The following RAD51B variants were observed in gnomAD, a reference collection of about 807,000 sequenced individuals.
RAD51B encodes the protein DNA repair protein RAD51 homolog 2.
Under a neutral mutation model 42.2 loss-of-function variants are expected in RAD51B, and 38 were observed. The observed-to-expected ratio is 0.90, with a 90% CI of 0.70 to 1.18. The LOEUF (loss-of-function observed/expected upper bound fraction) is 1.18. Among genes scored for constraint, RAD51B ranks in the 50% most tolerant of loss-of-function variants. RAD51B has a pLI of 0.00. For missense variants in RAD51B, 373 were observed against 400.7 expected, an observed-to-expected ratio of 0.93 and a Z score of 0.59; for synonymous variants, 154 against 145.2, an observed-to-expected ratio of 1.06 and a Z score of -0.43.
At chr14:67,908,369 T>A (rs2043849418) in intron 7 of RAD51B, 1 of 152,044 alleles carries the variant, frequency 6.6e-6, no homozygotes, top group South Asian at 2.1e-4. Context: ...GAAAAATAGA[T>A]GAGATTTAGA....
intron 9 of RAD51B, among the ~76,000 whole-genome samples, chr14:68,447,124 CA>C (rs2140175706): frequency 6.6e-6 from 1 of 152,282 alleles, no homozygotes; most frequent in East Asian, 1.9e-4. Context: ...GAGGCTGAGG[CA>C]GGAGAATCAC....
intron 7 of RAD51B, among the ~76,000 whole-genome samples, chr14:68,262,315 T>C (rs545511680): frequency 5.3e-5 from 8 of 152,124 alleles, no homozygotes; most frequent in Non-Finnish European, 1.2e-4. Flanking sequence ...GGACCTGAGA[T>C]ATTGGCATGA....
rs143862297 is a variant in RAD51B at position 68,185,277 on chromosome 14, C to T, written c.757-106607C>T. ...TAATAACTACATAATAAAGTATTGC[C>T]AACATGTTAGATTTAGCCTTAAAGA... On this transcript the variant is annotated intron_variant, in intron 7 of 10. Coordinates refer to ENST00000471583, the MANE Select transcript of RAD51B (RefSeq NM_133510.4). 1.8e-4 allele frequency among the ~76,000 whole-genome samples: 27 copies of T among 152,192 alleles called. No individual in the cohort carries two copies. In the East Asian group the frequency reaches 5.0e-3, roughly 28 times the overall value.
At position 68,140,604 on chromosome 14, in the gene RAD51B, G is replaced by A. The variant is rs193186501; in HGVS notation, c.757-151280G>A. 5.9e-5 allele frequency among the ~76,000 whole-genome samples: 9 copies of A among 152,322 alleles called. No individual in the cohort carries two copies. The East Asian group carries it at 1.7e-3, about 29-fold the overall frequency. On this transcript the variant is annotated intron_variant, in intron 7 of 10. Transcript: ENST00000471583. ...TCTAAAAGTGCTGGATAACTGCTGA[G>A]GTTTCTCTGCCACTTGGGATGCAAA...
intron 7 of RAD51B, among the ~76,000 whole-genome samples, chr14:68,022,380 C>G (rs761888073): frequency 6.6e-6 from 1 of 152,058 alleles, no homozygotes. Context: ...TGTGAATATC[C>G]TGGTGATGAA....
chr14:68,135,129 T>C (rs1389748305), intron 7 of RAD51B, among the ~76,000 whole-genome samples: 1 of 152,180 alleles, frequency 6.6e-6, no homozygotes, highest in Admixed American at 6.5e-5. Flanking sequence ...AGTGTTTAAG[T>C]GTAGTGGAAT....
intron 9 of RAD51B, among the ~76,000 whole-genome samples, chr14:68,427,515 T>C (rs2084882352): frequency 6.6e-6 from 1 of 152,228 alleles, no homozygotes; most frequent in Non-Finnish European, 1.5e-5. Context: ...GTTTTCCCTG[T>C]TGAGTTTTGG....
At chr14:68,510,527 G>C (rs961957165) in intron 10 of RAD51B, among the ~76,000 whole-genome samples, 11 of 152,188 alleles carry the variant, frequency 7.2e-5, no homozygotes, top group African/African-American at 1.4e-4. Flanking sequence ...GGGTCCTGTT[G>C]GGGGGCTCTG....
chr14:68,296,726 T>C (rs1006088275), intron 8 of RAD51B, among the ~76,000 whole-genome samples: 4 of 152,186 alleles, frequency 2.6e-5, no homozygotes, highest in Non-Finnish European at 5.9e-5. Context: ...GAGTAGCAGT[T>C]ACTTCATTAT....
At chr14:68,142,256 A>G (rs968104328) in intron 7 of RAD51B, among the ~76,000 whole-genome samples, 2 of 152,168 alleles carry the variant, frequency 1.3e-5, no homozygotes, top group East Asian at 3.8e-4. Context: ...TTATGACCTT[A>G]CATGCAGATT....
At chr14:68,070,275 T>C (rs2076720518) in intron 7 of RAD51B, among the ~76,000 whole-genome samples, 1 of 152,234 alleles carries the variant, frequency 6.6e-6, no homozygotes. Flanking sequence ...AGAAGCTCTT[T>C]AGTTTAATTA....
intron 7 of RAD51B, among the ~76,000 whole-genome samples, chr14:68,098,613 G>A (rs932149698): frequency 1.2e-4 from 19 of 152,164 alleles, no homozygotes; most frequent in Non-Finnish European, 2.4e-4. Context: ...ATCAGATCTC[G>A]TGAGACTTAT....
intron 7 of RAD51B, among the ~76,000 whole-genome samples, chr14:68,204,784 C>T (rs2140932602): frequency 6.6e-6 from 1 of 152,068 alleles, no homozygotes; most frequent in East Asian, 1.9e-4. Context: ...TTTATTTGTG[C>T]TCTTTATAAG....
intron 7 of RAD51B, among the ~76,000 whole-genome samples, chr14:68,217,009 T>A (rs898499050): frequency 5.3e-5 from 8 of 152,212 alleles, no homozygotes; most frequent in African/African-American, 1.2e-4. Context: ...ATTCCGTTTC[T>A]CCCCAAGTCC....
rs73282422 is a variant in RAD51B, at chr14:67,926,918, A to G, written c.756+39714A>G. On this transcript the variant is annotated intron_variant, in intron 7 of 10. Transcript: ENST00000471583. The stretch of plus-strand genomic sequence containing the variant: ...TCTCAGTTTATATAGCTCACTGGAC[A>G]ATTTACAGATCCTGAGGTCAGGGAT... 2.9e-3 allele frequency among the ~76,000 whole-genome samples: 448 copies of G among 152,260 alleles called. 1 individual carries two copies. Among genetic ancestry groups the G allele is most frequent in the African/African-American group, 0.01 (420 of 41,546 alleles).
At chr14:68,075,573 T>C (rs1238349496) in intron 7 of RAD51B, among the ~76,000 whole-genome samples, 1 of 151,162 alleles carries the variant, frequency 6.6e-6, no homozygotes, top group Non-Finnish European at 1.5e-5. Flanking sequence ...AGTCAAGCAC[T>C]CATGTCTTTG....
chr14:68,152,539 A>G (rs1331990858), intron 7 of RAD51B, among the ~76,000 whole-genome samples: 1 of 152,220 alleles, frequency 6.6e-6, no homozygotes, highest in Non-Finnish European at 1.5e-5. Context: ...TCTTGTAAAA[A>G]GATACGCCTC....
At chr14:68,304,783 C>T (rs573341951) in intron 8 of RAD51B, among the ~76,000 whole-genome samples, 1 of 152,280 alleles carries the variant, frequency 6.6e-6, no homozygotes, top group South Asian at 2.1e-4. Flanking sequence ...GCTGGCAGGC[C>T]TTTCAGTTTG....
At chr14:68,346,201 T>C (rs555722807) in intron 8 of RAD51B, among the ~76,000 whole-genome samples, 1 of 152,316 alleles carries the variant, frequency 6.6e-6, no homozygotes, top group Non-Finnish European at 1.5e-5. Flanking sequence ...TTTGACATGG[T>C]AATCTAACCC....
Sources: gnomAD v4.1 joint callset for allele counts (sites outside exome capture counted in the v4.1 genomes callset) on GRCh38, gnomAD v4.1.1 for gene constraint, MANE v1.5 for transcripts, NCBI Gene and HGNC (gene_info 2026-07-23, HGNC 2026-07-21) for gene names.